Variants in RASA2 observed in about 807,000 individuals in gnomAD.
RASA2 encodes the protein ras GTPase-activating protein 2.
RASA2 carries 155 observed loss-of-function variants against 118.2 expected under a neutral mutation model. The ratio of observed to expected loss-of-function variants is 1.31; its 90% CI spans 1.15 to 1.50. RASA2 has a LOEUF of 1.50. Among genes scored for constraint, RASA2 ranks in the 40% most tolerant of loss-of-function variants. The pLI, the probability that RASA2 is intolerant of heterozygous loss-of-function variation, is 0.00. For missense variants in RASA2, 1,016 were observed against 1,009.6 expected (o/e 1.01, Z -0.09); for synonymous variants, 353 against 349.1 (o/e 1.01, Z -0.12).
intron 19 of RASA2, among the ~76,000 whole-genome samples, chr3:141,606,325 A>T (rs2083548478): frequency 6.6e-6 from 1 of 152,110 alleles, no homozygotes; most frequent in Non-Finnish European, 1.5e-5. Context: ...TTATTATCTC[A>T]TGCATTTATG....
intron 1 of RASA2, among the ~76,000 whole-genome samples, chr3:141,508,626 A>G (rs2081904841): frequency 6.6e-6 from 1 of 152,024 alleles, no homozygotes; most frequent in Non-Finnish European, 1.5e-5. Context: ...CAGTTTGCCC[A>G]CCTTGGCCTC....
intron 19 of RASA2, among the ~76,000 whole-genome samples, chr3:141,598,587 T>C (rs1560060593): frequency 6.6e-6 from 1 of 152,328 alleles, no homozygotes; most frequent in South Asian, 2.1e-4. Context: ...TATAGTGTTA[T>C]ATTGAAACTC....
chr3:141,512,805 G>A (rs2081970088), intron 2 of RASA2, among the ~76,000 whole-genome samples: 1 of 152,348 alleles, frequency 6.6e-6, no homozygotes, highest in East Asian at 1.9e-4. Flanking sequence ...GCTCACGCTT[G>A]TAATCCCAGC....
intron 19 of RASA2, among the ~76,000 whole-genome samples, chr3:141,602,836 C>G (rs1314132035): frequency 6.6e-6 from 1 of 152,174 alleles, no homozygotes; most frequent in Non-Finnish European, 1.5e-5. Flanking sequence ...ATTGACGTCT[C>G]CCCAGGCTTT....
At chr3:141,583,237 A>G (rs2083144428) in intron 17 of RASA2, among the ~76,000 whole-genome samples, 1 of 152,116 alleles carries the variant, frequency 6.6e-6, no homozygotes, top group Non-Finnish European at 1.5e-5. Flanking sequence ...CAGCCTGGCT[A>G]ACATGGTGAA....
At chr3:141,580,757 C>G (rs970773093) in intron 16 of RASA2, among the ~76,000 whole-genome samples, 4 of 151,636 alleles carry the variant, frequency 2.6e-5, no homozygotes, top group African/African-American at 9.7e-5. Context: ...ATAGCCACTG[C>G]ACTCCAGTCC....
At chr3:141,518,482 CAAAAAAAAAAAAAAAAA>C (rs777543417) in intron 3 of RASA2, among the ~76,000 whole-genome samples, 615 of 27,070 alleles carry the variant, frequency 0.023, 14 homozygotes, top group African/African-American at 0.078. Flanking sequence ...GACACCATCT[CAAAAAAAAAAAAAAAAA>C]AAAAAAAAAA....
chr3:141,581,277 A>T, intron 17 of RASA2, 100 bp downstream of exon 17: 2 of 959,088 alleles, frequency 2.1e-6, no homozygotes, highest in Non-Finnish European at 2.8e-6. Context: ...AGTTTAAATA[A>T]TAATGTTTAA....
chr3:141,518,350 G>C (rs1388790901), intron 3 of RASA2, among the ~76,000 whole-genome samples: 2 of 151,280 alleles, frequency 1.3e-5, no homozygotes, highest in African/African-American at 2.4e-5. Flanking sequence ...TGGAGCGGCG[G>C]TGCGCACCTG....
At chr3:141,563,236 C>T (rs543708092) in intron 9 of RASA2, among the ~76,000 whole-genome samples, 1 of 152,110 alleles carries the variant, frequency 6.6e-6, no homozygotes, top group Non-Finnish European at 1.5e-5. Flanking sequence ...TCTCTTTATT[C>T]CCTGTTTCTT....
chr3:141,605,145 A>G (rs974549677), intron 19 of RASA2, among the ~76,000 whole-genome samples: 6 of 151,968 alleles, frequency 3.9e-5, no homozygotes, highest in South Asian at 2.1e-4. Flanking sequence ...TCTGCCTAGT[A>G]TTTAGGAGGT....
intron 17 of RASA2, among the ~76,000 whole-genome samples, chr3:141,581,558 C>T (rs374552179): frequency 1.3e-5 from 2 of 152,090 alleles, no homozygotes; most frequent in Non-Finnish European, 2.9e-5. Context: ...GAAGTATGCC[C>T]CTGTTTTGAC....
chr3:141,488,326 C>T (rs908267084), intron 1 of RASA2, among the ~76,000 whole-genome samples: 2 of 152,146 alleles, frequency 1.3e-5, no homozygotes, highest in African/African-American at 4.8e-5. Flanking sequence ...TTATAAATAA[C>T]CCTCAATTAT....
At chr3:141,493,146 G>A (rs1265392969) in intron 1 of RASA2, among the ~76,000 whole-genome samples, 1 of 152,170 alleles carries the variant, frequency 6.6e-6, no homozygotes, top group Non-Finnish European at 1.5e-5. Context: ...TTTCTAGAAT[G>A]CTATATGAGA....
intron 6 of RASA2, among the ~76,000 whole-genome samples, 153 bp downstream of exon 6, chr3:141,554,093 A>T (rs2082613232): frequency 1.3e-5 from 2 of 152,234 alleles, no homozygotes; most frequent in Non-Finnish European, 2.9e-5. Context: ...GTTCTATTAT[A>T]CACTTGTCAA....
chr3:141,521,730 AT>A (rs1395060074), intron 3 of RASA2, among the ~76,000 whole-genome samples: 1 of 152,098 alleles, frequency 6.6e-6, no homozygotes, highest in African/African-American at 2.4e-5. Context: ...TTTCTAAGGG[AT>A]AAAATTTATA....
intron 1 of RASA2, among the ~76,000 whole-genome samples, chr3:141,497,665 C>G (rs1226997452): frequency 6.7e-6 from 1 of 150,096 alleles, no homozygotes; most frequent in Non-Finnish European, 1.5e-5. Flanking sequence ...AGTTTGAGAC[C>G]AGCCTGGGCC....
At chr3:141,612,229 CT>C in intron 23 of RASA2, 53 bp from the exon 24 acceptor site, 1 of 1,317,320 alleles carries the variant, frequency 7.6e-7, no homozygotes, top group Non-Finnish European at 1.1e-6. Flanking sequence ...ATTTGTCACC[CT>C]TTAAATTTTT....
intron 1 of RASA2, among the ~76,000 whole-genome samples, chr3:141,498,719 A>G (rs1363817573): frequency 1.3e-5 from 2 of 152,126 alleles, no homozygotes; most frequent in Non-Finnish European, 2.9e-5. Flanking sequence ...ACCAGAAATA[A>G]CAGCCATATC....
Sources: gnomAD v4.1 joint callset for allele counts (sites outside exome capture counted in the v4.1 genomes callset) on GRCh38, gnomAD v4.1.1 for gene constraint, MANE v1.5 for transcripts, NCBI Gene and HGNC (gene_info 2026-07-23, HGNC 2026-07-21) for gene names.